The following PLXNA1 variants were observed in gnomAD, a reference collection of about 807,000 sequenced individuals.
PLXNA1 encodes plexin A1.
PLXNA1 carries 77 observed loss-of-function variants against 191.7 expected under a neutral mutation model. That is an observed-to-expected ratio of 0.40 (90% CI 0.33 to 0.49). PLXNA1 has a LOEUF of 0.49. Among genes scored for constraint, PLXNA1 ranks in the 20% least tolerant of loss-of-function variants. The probability of loss-of-function intolerance (pLI) is 0.63; values close to 1 mark genes in which losing one functional copy is unlikely to be tolerated. For synonymous variants in PLXNA1, 1,137 were observed against 1,156.4 expected, an observed-to-expected ratio of 0.98 and a Z score of 0.34; for missense variants, 2,110 against 2,660.2, an observed-to-expected ratio of 0.79 and a Z score of 4.55.
At chr3:127,015,534 G>A (rs1013107964) in intron 15 of PLXNA1, among the ~76,000 whole-genome samples, 5 of 152,230 alleles carry the variant, frequency 3.3e-5, no homozygotes, top group African/African-American at 9.6e-5. Context: ...TTTGTGGGGC[G>A]GGGCAACTTG....
At chr3:127,005,572 C>T (rs2079063070) in intron 7 of PLXNA1, among the ~76,000 whole-genome samples, 1 of 152,224 alleles carries the variant, frequency 6.6e-6, no homozygotes, top group Admixed American at 6.5e-5. Flanking sequence ...TAATTATTGC[C>T]ATCCCTACTG....
At chr3:127,010,096 A>C (rs1024446439) in intron 9 of PLXNA1, among the ~76,000 whole-genome samples, 3 of 152,172 alleles carry the variant, frequency 2.0e-5, no homozygotes, top group Non-Finnish European at 4.4e-5. Flanking sequence ...GGCAAAATGC[A>C]CCCTGTTAAT....
chr3:126,990,603 G>A lies in PLXNA1; in HGVS notation c.1195-781G>A, dbSNP rs1004082121. On this transcript the variant is annotated intron_variant, in intron 2 of 31. Coordinates refer to ENST00000393409, the MANE Select transcript of PLXNA1 (RefSeq NM_032242.4). ...TTGCTGCTGGGGGTCGCTGGCCATC[G>A]CAGGGGAAGGCCTCGCCCTCTCTGG... Among the ~76,000 whole-genome samples the A allele has an allele frequency of 5.9e-5, 9 of 152,330 alleles. No homozygotes were observed. The East Asian group carries it at 1.5e-3, about 26-fold the overall frequency.
At chr3:127,032,658 A>T in intron 30 of PLXNA1, 28 bp from the exon 31 acceptor site, 1 of 1,611,674 alleles carries the variant, frequency 6.2e-7, no homozygotes, top group Non-Finnish European at 8.5e-7. Context: ...GACTCTGCTC[A>T]TGTGCCCACC....
chr3:127,029,205 A>G (rs1454801421), intron 26 of PLXNA1, 109 bp downstream of exon 26: 9 of 911,848 alleles, frequency 9.9e-6, no homozygotes, highest in Non-Finnish European at 1.5e-5. Flanking sequence ...TGGATCTGTC[A>G]GGGAGAGGAG....
At chr3:126,985,508 C>A (rs1295082922) in intron 1 of PLXNA1, among the ~76,000 whole-genome samples, 1 of 151,772 alleles carries the variant, frequency 6.6e-6, no homozygotes, top group Non-Finnish European at 1.5e-5. Context: ...CCCACCCCCA[C>A]CACGAATGCC....
At chr3:127,011,261 G>T (rs1370353958) in intron 9 of PLXNA1, among the ~76,000 whole-genome samples, 3 of 152,206 alleles carry the variant, frequency 2.0e-5, no homozygotes, top group African/African-American at 7.2e-5. Flanking sequence ...TGCAGACCCA[G>T]AGATTAGTGG....
chr3:127,001,966 C>T (rs935662741), intron 3 of PLXNA1, among the ~76,000 whole-genome samples: 3 of 152,244 alleles, frequency 2.0e-5, no homozygotes, highest in Non-Finnish European at 2.9e-5. Flanking sequence ...CCTAAGCGTC[C>T]GTCGGGCAGG....
chr3:127,028,352 G>C lies in PLXNA1; in HGVS notation c.4669+12G>C. 6.2e-7 allele frequency: 1 copy of C among 1,605,928 alleles called. No homozygotes were observed. ...GGACATGGACCTGGGTGAGCGGGCGGGGCCACGGCTGCCCGGGGTGTGTGC... is the reference window on the plus strand; with the variant it reads ...GGACATGGACCTGGGTGAGCGGGCGCGGCCACGGCTGCCCGGGGTGTGTGC... On this transcript the variant is annotated intron_variant, in intron 25 of 31. Transcript: ENST00000393409.
rs575343383 is a variant in PLXNA1, at chr3:127,017,485, G to C, written c.3337G>C (p.Val1113Leu). 1.4e-4 allele frequency: 231 copies of C among 1,613,504 alleles called. No homozygotes were observed. In the East Asian group the frequency reaches 4.8e-3, roughly 33 times the overall value. The change falls in exon 18 of 32, where the codon GTG becomes CTG. Residue 1113 changes from valine to leucine, a missense_variant. By Grantham distance (32) the Val-to-Leu change is conservative (BLOSUM62 1). Transcript: ENST00000393409. ...CCGCGCCCCGTCTGTGGCCAACCCT[G>C]TGCGCAGCCCACCAGAGCTGGGGGA... ...VCRAPSVANP[V>L]RSPPELGERP...
At chr3:126,992,757 G>A (rs980529853) in intron 3 of PLXNA1, among the ~76,000 whole-genome samples, 1 of 152,050 alleles carries the variant, frequency 6.6e-6, no homozygotes, top group Admixed American at 6.5e-5. Context: ...GAAGCTGATG[G>A]GGAAAGTCCT....
rs2079145721 is a variant in PLXNA1, at chr3:127,020,234, CT to C, written c.3929del (p.Leu1310ArgfsTer46). 1 of 1,613,028 alleles carries C rather than the reference CT, an allele frequency of 6.2e-7. No homozygotes were observed. Among genetic ancestry groups the C allele is most frequent in the South Asian group, 1.1e-5 (1 of 91,086 alleles). On this transcript the variant is annotated frameshift_variant, in exon 21 of 32. Transcript: ENST00000393409. LOFTEE classifies it high-confidence loss of function. ...AGAGCTGCAGACAGACATCCACGAG[CT>C]GACCAATGACCTGGACGGTGCCGGC... is the stretch of plus-strand genomic sequence containing the variant. ...FAELQTDIHE[L>X]TNDLDGAGIP...
At position 127,016,414 on chromosome 3, in the gene PLXNA1, C is replaced by A. The variant is rs1196993615; in HGVS notation, c.3015-103C>A. 7 of 1,002,382 alleles carry A rather than the reference C, an allele frequency of 7.0e-6. No homozygotes were observed. In the East Asian group the frequency reaches 1.4e-4, roughly 21 times the overall value. 62.1% of individuals were successfully genotyped at this position (1,002,382 alleles called of 1,614,324 possible). Reference sequence around the variant, plus strand: ...AGTATGCAGCCACCCAAGGCAGTACCTGTGACAGATGGCGCTGTTCCCACC... The same window carrying A: ...AGTATGCAGCCACCCAAGGCAGTACATGTGACAGATGGCGCTGTTCCCACC... On this transcript the variant is annotated intron_variant, in intron 15 of 31. Transcript: ENST00000393409.
intron 14 of PLXNA1, among the ~76,000 whole-genome samples, 153 bp downstream of exon 14, chr3:127,014,984 G>A (rs1247689935): frequency 2.6e-5 from 4 of 152,174 alleles, no homozygotes; most frequent in Non-Finnish European, 4.4e-5. Flanking sequence ...CTGTGCCTAG[G>A]CCAGCTCCAG....
chr3:127,007,677 A>C (rs1252958402), intron 8 of PLXNA1, 122 bp from the exon 9 acceptor site: 2 of 619,868 alleles, frequency 3.2e-6, no homozygotes, highest in African/African-American at 1.9e-5. Context: ...AGGAGCAGTC[A>C]GTGCCAAGAC....
At position 127,004,735 on chromosome 3, in the gene PLXNA1, G is replaced by A. The variant is rs760092779; in HGVS notation, c.1619+24G>A. On this transcript the variant is annotated intron_variant, in intron 5 of 31. Coordinates refer to ENST00000393409, the MANE Select transcript of PLXNA1 (RefSeq NM_032242.4). Reference sequence around the variant, plus strand: ...ATGTGAGTCTGGGCAGGTGGGCAGGGGCAGGCGGGGAGGGCCATGGTGGTC... The same window carrying A: ...ATGTGAGTCTGGGCAGGTGGGCAGGAGCAGGCGGGGAGGGCCATGGTGGTC... The A allele has an allele frequency of 4.4e-6, 7 of 1,581,996 alleles. No homozygotes were observed. In the Admixed American group the frequency reaches 7.2e-5, roughly 16 times the overall value.
Position 127,012,103 on chromosome 3 carries a change from C to T in PLXNA1, c.2258C>T (p.Ala753Val). 1 of 1,613,448 alleles carries T rather than the reference C, an allele frequency of 6.2e-7. No homozygotes were observed. Among genetic ancestry groups the T allele is most frequent in the Non-Finnish European group, 8.5e-7 (1 of 1,180,028 alleles). ...ECLFHIPGSPARVTALRFNSS... is the reference protein window; with the variant it reads ...ECLFHIPGSPVRVTALRFNSS... ...CTCTTCCACATCCCGGGCAGCCCGGCCCGTGTCACCGCCCTGCGCTTCAAC... is the reference window on the plus strand; with the variant it reads ...CTCTTCCACATCCCGGGCAGCCCGGTCCGTGTCACCGCCCTGCGCTTCAAC... The change falls in exon 10 of 32, where the codon GCC becomes GTC. Residue 753 changes from alanine (A) to valine (V), a missense_variant. Ala to Val is a moderately conservative substitution (Grantham distance 64). This residue lies in a region of PLXNA1 where 644 missense variants were observed against 714.3 expected (regional missense o/e 0.90). Transcript: ENST00000393409.
At position 127,034,686 on chromosome 3, in the gene PLXNA1, C is replaced by G. The variant is rs1389971295; in HGVS notation, c.*669C>G. Reference sequence around the variant, plus strand: ...CCTCGCCCCAGAGAGGCTCTGCTCCCTCCTATGGAGGGGCTGTGGGCCAGG... The same window carrying G: ...CCTCGCCCCAGAGAGGCTCTGCTCCGTCCTATGGAGGGGCTGTGGGCCAGG... On this transcript the variant is annotated 3_prime_UTR_variant, in exon 32 of 32. Transcript: ENST00000393409. 3.3e-5 allele frequency: 5 copies of G among 152,740 alleles called. No homozygotes were observed. The highest frequency in any genetic ancestry group is 2.6e-4 in the Admixed American group (4 of 15,290). The allele number at this position is 152,740 out of a possible 1,614,324, so 9.5% of individuals were successfully genotyped here. A position where few individuals can be genotyped will look rare whatever the true frequency, so the allele number is the denominator to read the frequency against.
At chr3:126,991,320 G>T in intron 2 of PLXNA1, 64 bp from the exon 3 acceptor site, 4 of 1,567,236 alleles carry the variant, frequency 2.6e-6, no homozygotes, top group East Asian at 2.3e-5. Flanking sequence ...GCCCTGCCCA[G>T]GGAGGCCCAG....
Sources: gnomAD v4.1 joint callset for allele counts (sites outside exome capture counted in the v4.1 genomes callset) on GRCh38, gnomAD v4.1.1 for gene constraint, gnomAD v4.1.1 regional missense constraint, MANE v1.5 for transcripts, NCBI Gene and HGNC (gene_info 2026-07-23, HGNC 2026-07-21) for gene names.